TIAM2: variants seen among roughly 807,000 people sequenced by gnomAD.
The protein encoded by TIAM2 is TIAM Rac1 associated GEF 2, also known as rho guanine nucleotide exchange factor TIAM2.
Under a neutral mutation model 152.9 loss-of-function variants are expected in TIAM2, and 80 were observed. The observed-to-expected ratio is 0.52, with a 90% CI of 0.44 to 0.63. The LOEUF (loss-of-function observed/expected upper bound fraction) is 0.63. Among genes scored for constraint, TIAM2 ranks in the 30% least tolerant of loss-of-function variants. TIAM2 has a pLI of 0.00. For missense variants in TIAM2, 1,965 were observed against 2,120.1 expected (o/e 0.93, Z 1.44); for synonymous variants, 804 against 838.0 (o/e 0.96, Z 0.70).
At position 155,131,346 on chromosome 6, in the gene TIAM2, T is replaced by TAA. The variant is rs369453097; in HGVS notation, c.1194+943_1194+944dup. On this transcript the variant is annotated intron_variant, in intron 4 of 26. Coordinates refer to ENST00000682666, the MANE Select transcript of TIAM2 (RefSeq NM_012454.4). Reference sequence around the variant, plus strand: ...GGGCAACAGAGAGAGACTCTGTCTTTAAAAAAAAAAAAAAAGTAAGTACAG... The same window carrying TAA: ...GGGCAACAGAGAGAGACTCTGTCTTTAAAAAAAAAAAAAAAAAGTAAGTACAG... 9.3e-4 allele frequency among the ~76,000 whole-genome samples: 130 copies of TAA among 139,934 alleles called. 1 individual carries two copies. The East Asian group carries it at 0.016, about 17-fold the overall frequency. The allele number at this position is 139,934 out of a possible 152,430, so 91.8% of individuals were successfully genotyped here.
At chr6:155,066,591 C>T (rs1180935587) in intron 1 of TIAM2, among the ~76,000 whole-genome samples, 1 of 152,140 alleles carries the variant, frequency 6.6e-6, no homozygotes, top group Non-Finnish European at 1.5e-5. Context: ...TCCTGTTTGG[C>T]TCTGATTTTC....
At chr6:155,073,321 C>T (rs1469557540) in intron 1 of TIAM2, among the ~76,000 whole-genome samples, 2 of 151,966 alleles carry the variant, frequency 1.3e-5, no homozygotes, top group Admixed American at 6.5e-5. Context: ...TGCCACCACA[C>T]CTGGCTAATT....
intron 7 of TIAM2, among the ~76,000 whole-genome samples, chr6:155,154,571 G>GT (rs1262108764): frequency 6.6e-6 from 1 of 151,966 alleles, no homozygotes; most frequent in Non-Finnish European, 1.5e-5. Context: ...ATTAAGTCCA[G>GT]TTAGTACTTT....
At chr6:155,147,847 C>G (rs1779852489) in intron 6 of TIAM2, among the ~76,000 whole-genome samples, 1 of 152,172 alleles carries the variant, frequency 6.6e-6, no homozygotes, top group Non-Finnish European at 1.5e-5. Flanking sequence ...GTTCTTATCA[C>G]TCCTGTGTTG....
At chr6:155,146,594 C>CATT (rs141363452) in intron 6 of TIAM2, among the ~76,000 whole-genome samples, 2,214 of 151,544 alleles carry the variant, frequency 0.015, 42 homozygotes, top group African/African-American at 0.05. Context: ...AAAAATGTAT[C>CATT]ATTATTATTA....
chr6:155,001,801 A>G (rs1241684543), intron 1 of TIAM2, among the ~76,000 whole-genome samples: 7 of 152,204 alleles, frequency 4.6e-5, no homozygotes, highest in Non-Finnish European at 4.4e-5. Flanking sequence ...TCCCATTACT[A>G]AGTGATTTCT....
intron 1 of TIAM2, among the ~76,000 whole-genome samples, chr6:155,024,764 T>C (rs564609588): frequency 6.6e-6 from 1 of 152,296 alleles, no homozygotes; most frequent in Non-Finnish European, 1.5e-5. Context: ...GTCCTTGACT[T>C]TCTTTTCCCT....
At chr6:155,089,642 T>G (rs546060014) in intron 1 of TIAM2, among the ~76,000 whole-genome samples, 1 of 152,192 alleles carries the variant, frequency 6.6e-6, no homozygotes, top group Non-Finnish European at 1.5e-5. Context: ...TTTCTCTAAG[T>G]TCAAATACCA....
rs73577458 is a variant in TIAM2, at chr6:155,218,296, C to G, written c.3168+6989C>G. Among the ~76,000 whole-genome samples the G allele has an allele frequency of 6.6e-6, 1 of 152,166 alleles. No homozygotes were observed. The highest frequency in any genetic ancestry group is 1.5e-5 in the Non-Finnish European group (1 of 68,030). ...GGAGAGATGGCCTCCTCAAGGCAAA[C>G]GCTTTGTCCCTGAAAAATGGTTTGG... On this transcript the variant is annotated intron_variant, in intron 15 of 26. Transcript: ENST00000682666. The surrounding 1 kb of genome is among the most constrained non-coding windows in gnomAD (Gnocchi z 4.5).
At chr6:155,163,891 G>A (rs1010522409) in intron 7 of TIAM2, among the ~76,000 whole-genome samples, 1 of 151,940 alleles carries the variant, frequency 6.6e-6, no homozygotes, top group Admixed American at 6.6e-5. Context: ...ACTGTATTGG[G>A]ACCACCAGCT....
In TIAM2 at chr6:155,199,778, G is replaced by A. The variant is rs1022731957; in HGVS notation, c.3065-11426G>A. Among the ~76,000 whole-genome samples the A allele has an allele frequency of 5.3e-5, 8 of 152,158 alleles. No individual in the cohort carries two copies. In the South Asian group the frequency reaches 6.2e-4, roughly 12 times the overall value. On this transcript the variant is annotated intron_variant, in intron 14 of 26. Coordinates refer to ENST00000682666, the MANE Select transcript of TIAM2 (RefSeq NM_012454.4). The stretch of plus-strand genomic sequence containing the variant: ...TTAAATAGAGTCAGGTCTTGACTGC[G>A]GTAGAGAACGTGTTTGTTAAGGCTT...
At chr6:155,093,017 C>T (rs1369006807) in intron 2 of TIAM2, among the ~76,000 whole-genome samples, 1 of 152,146 alleles carries the variant, frequency 6.6e-6, no homozygotes, top group Admixed American at 6.5e-5. Flanking sequence ...ATAAGTTATA[C>T]TTCTAATAAG....
At chr6:155,171,020 C>A (rs1479845971) in intron 9 of TIAM2, among the ~76,000 whole-genome samples, 2 of 152,154 alleles carry the variant, frequency 1.3e-5, no homozygotes, top group African/African-American at 4.8e-5. Flanking sequence ...ATTAATATTT[C>A]ATTTTGCTAC....
chr6:155,183,342 CT>C lies in TIAM2; in HGVS notation c.2907del (p.Leu970Ter). On this transcript the variant is annotated frameshift_variant, in exon 14 of 27. Coordinates refer to ENST00000682666, the MANE Select transcript of TIAM2 (RefSeq NM_012454.4). LOFTEE classifies it high-confidence loss of function. ...ALFSEKSVGLTLIARPPDTKA... is the reference protein window; with the variant it reads ...ALFSEKSVGLXLIARPPDTKA... Reference sequence around the variant, plus strand: ...TTTTCTGAGAAGAGCGTCGGACTCACTCTGATTGCCCGGCCTCCGGACACAA... The same window carrying C: ...TTTTCTGAGAAGAGCGTCGGACTCACCTGATTGCCCGGCCTCCGGACACAA... 1.9e-6 allele frequency: 3 copies of C among 1,613,250 alleles called. No individual in the cohort carries two copies. The highest frequency in any genetic ancestry group is 2.5e-6 in the Non-Finnish European group (3 of 1,179,702).
chr6:155,056,416 C>T (rs1270761407), intron 1 of TIAM2, among the ~76,000 whole-genome samples: 1 of 152,086 alleles, frequency 6.6e-6, no homozygotes, highest in Non-Finnish European at 1.5e-5. Flanking sequence ...AAGTGATCCG[C>T]CTGCCTTGGC....
At chr6:155,154,064 A>G (rs1780043598) in intron 7 of TIAM2, among the ~76,000 whole-genome samples, 1 of 152,264 alleles carries the variant, frequency 6.6e-6, no homozygotes. Flanking sequence ...TTTACAGATC[A>G]AGACCAATCA....
At chr6:155,111,431 T>C (rs546755199) in intron 2 of TIAM2, among the ~76,000 whole-genome samples, 93 of 151,744 alleles carry the variant, frequency 6.1e-4, no homozygotes, top group Non-Finnish European at 1.2e-3. Flanking sequence ...CCCCCTGAAA[T>C]AACAGGAAAC....
chr6:155,247,474 G>A (rs113364405), intron 19 of TIAM2, among the ~76,000 whole-genome samples: 1,848 of 152,052 alleles, frequency 0.012, 33 homozygotes, highest in Non-Finnish European at 0.015. Flanking sequence ...GATTAGAGGC[G>A]CCCACCACCA....
intron 22 of TIAM2, 127 bp downstream of exon 22, chr6:155,251,148 T>A (rs1583289339): frequency 1.3e-6 from 1 of 763,162 alleles, no homozygotes; most frequent in East Asian, 2.5e-5. Flanking sequence ...GGTTGGGGAC[T>A]TAACAGGGCC....
Sources: gnomAD v4.1 joint callset for allele counts (sites outside exome capture counted in the v4.1 genomes callset) on GRCh38, gnomAD v4.1.1 for gene constraint, Gnocchi (gnomAD v3.1) non-coding constraint, MANE v1.5 for transcripts, NCBI Gene and HGNC (gene_info 2026-07-23, HGNC 2026-07-21) for gene names.